CCDC144A: variants seen among roughly 807,000 people sequenced by gnomAD.
The protein encoded by CCDC144A is coiled-coil domain containing 144A.
CCDC144A carries 41 observed loss-of-function variants against 143.8 expected under a neutral mutation model. That is an observed-to-expected ratio of 0.29 (90% CI 0.22 to 0.37). The LOEUF is 0.37. CCDC144A is among the 10% of genes least tolerant of loss of function. The pLI, the probability that CCDC144A is intolerant of heterozygous loss-of-function variation, is 1.00. For synonymous variants in CCDC144A, 242 were observed against 517.9 expected (o/e 0.47, Z 7.23); for missense variants, 637 against 1,488.8 (o/e 0.43, Z 9.41).
In CCDC144A at chr17:16,735,506, TCTG is replaced by T. The variant is rs1913959037; in HGVS notation, c.3240_3242del (p.Ala1081del). ...CAGTACTATCCAAGACCAGTTTCATTCTGCTGCCAAAAATCTTCAAGCTGAGAG... is the reference window on the plus strand; with the variant it reads ...CAGTACTATCCAAGACCAGTTTCATTCTGCCAAAAATCTTCAAGCTGAGAG... On this transcript the variant is annotated inframe_deletion, in exon 12 of 17. Coordinates refer to ENST00000399273, the MANE Select transcript of CCDC144A (RefSeq NM_001382000.1). 1.1e-5 allele frequency: 13 copies of T among 1,146,706 alleles called. No homozygotes were observed. Among genetic ancestry groups the T allele is most frequent in the Non-Finnish European group, 1.6e-5 (12 of 763,708 alleles). The allele number at this position is 1,146,706 out of a possible 1,614,324, so 71.0% of individuals were successfully genotyped here.
upstream of CCDC144A, among the ~76,000 whole-genome samples, chr17:16,688,120 AT>A (rs1910846094): frequency 6.6e-6 from 1 of 151,712 alleles, no homozygotes; most frequent in African/African-American, 2.4e-5. Flanking sequence ...ATGTATCAAT[AT>A]TTTTTCAAAG....
the CCDC144A span, among the ~76,000 whole-genome samples, chr17:16,675,491 A>T: frequency 6.6e-6 from 1 of 151,868 alleles, no homozygotes; most frequent in South Asian, 2.1e-4. Context: ...ACAGCTTCCC[A>T]CACTGAAATT....
At chr17:16,671,944 AATG>A in the CCDC144A span, among the ~76,000 whole-genome samples, 10 of 152,056 alleles carry the variant, frequency 6.6e-5, no homozygotes, top group South Asian at 1.0e-3. Flanking sequence ...AGGATCTATA[AATG>A]ATGATGAAAT....
chr17:16,683,468 C>G, the CCDC144A span: 3 of 1,333,690 alleles, frequency 2.2e-6, no homozygotes, highest in East Asian at 2.4e-5. Context: ...GCGGCAGAGT[C>G]GCCTTGGCCG....
At position 16,753,440 on chromosome 17, in the gene CCDC144A, T is replaced by TGTTGTTG. The variant is rs1567606569; in HGVS notation, c.3373-7985_3373-7984insGTTGTTG. 1.7e-3 allele frequency among the ~76,000 whole-genome samples: 223 copies of TGTTGTTG among 133,856 alleles called. 5 individuals are homozygous for TGTTGTTG. Among genetic ancestry groups the TGTTGTTG allele is most frequent in the African/African-American group, 7.2e-3 (203 of 28,368 alleles). The allele number at this position is 133,856 out of a possible 152,430, so 87.8% of individuals were successfully genotyped here. A position where few individuals can be genotyped will look rare whatever the true frequency, so the allele number is the denominator to read the frequency against. Reference sequence around the variant, plus strand: ...TCAGTGTTTTGTAGTTTTTTTTTTTTTTTTTTTTTTTTTTTTGTAAAGCTC... The same window carrying TGTTGTTG: ...TCAGTGTTTTGTAGTTTTTTTTTTTTGTTGTTGTTTTTTTTTTTTTTTTGTAAAGCTC... On this transcript the variant is annotated intron_variant, in intron 12 of 16. Transcript: ENST00000399273.
intron 12 of CCDC144A, chr17:16,745,958 C>G: frequency 6.2e-7 from 1 of 1,606,872 alleles, no homozygotes; most frequent in South Asian, 1.1e-5. Flanking sequence ...GAGCTCTGTG[C>G]CTCCTGCCGT....
intron 13 of CCDC144A, 92 bp from the exon 14 acceptor site, chr17:16,762,221 T>G: frequency 6.6e-7 from 1 of 1,514,762 alleles, no homozygotes; most frequent in South Asian, 1.3e-5. Flanking sequence ...AATTGTTCTC[T>G]GAGTCACTGA....
intron 15 of CCDC144A, among the ~76,000 whole-genome samples, chr17:16,771,556 G>A (rs1357085428): frequency 1.3e-5 from 2 of 152,246 alleles, no homozygotes; most frequent in Non-Finnish European, 2.9e-5. Context: ...TTCTAAAAGT[G>A]GAGAATGGGG....
At chr17:16,750,158 C>G (rs1466885945) in intron 12 of CCDC144A, among the ~76,000 whole-genome samples, 2 of 152,004 alleles carry the variant, frequency 1.3e-5, no homozygotes. Context: ...TTGCTTTGTA[C>G]TCTCGATTGT....
the CCDC144A span, among the ~76,000 whole-genome samples, chr17:16,680,194 C>T: frequency 4.4e-4 from 67 of 151,818 alleles, no homozygotes; most frequent in Non-Finnish European, 7.5e-4. Flanking sequence ...TTTGGGAGGC[C>T]GAGGTGGGAG....
At chr17:16,668,708 T>G in the CCDC144A span, among the ~76,000 whole-genome samples, 1 of 152,252 alleles carries the variant, frequency 6.6e-6, no homozygotes, top group Admixed American at 6.5e-5. Flanking sequence ...CATGCTGTAT[T>G]AGTCTACTCA....
chr17:16,736,335 C>T (rs1268493783), intron 12 of CCDC144A, among the ~76,000 whole-genome samples: 2 of 149,322 alleles, frequency 1.3e-5, no homozygotes, highest in African/African-American at 4.9e-5. Context: ...TGGTCTCGAA[C>T]TCCTGACCTC....
chr17:16,715,375 G>A (rs1021510854), intron 6 of CCDC144A, among the ~76,000 whole-genome samples: 2 of 151,282 alleles, frequency 1.3e-5, no homozygotes, highest in African/African-American at 4.8e-5. Flanking sequence ...CTTTTGCCTG[G>A]AAATTATATG....
intron 12 of CCDC144A, among the ~76,000 whole-genome samples, chr17:16,736,440 A>G (rs1364044422): frequency 6.6e-6 from 1 of 151,852 alleles, no homozygotes; most frequent in Non-Finnish European, 1.5e-5. Context: ...ATTAAATCAT[A>G]ATTTGGGACA....
intron 14 of CCDC144A, among the ~76,000 whole-genome samples, chr17:16,762,785 A>C (rs1193820388): frequency 6.6e-6 from 1 of 152,056 alleles, no homozygotes. Flanking sequence ...TTTTGGTTTT[A>C]TGTGGCTTCC....
chr17:16,685,383 T>G (rs1443065071), upstream of CCDC144A, among the ~76,000 whole-genome samples: 1 of 151,956 alleles, frequency 6.6e-6, no homozygotes, highest in Non-Finnish European at 1.5e-5. Flanking sequence ...GTTGTTGTTG[T>G]TTTTGGTTTT....
At position 16,763,165 on chromosome 17, in the gene CCDC144A, C is replaced by A. The variant is rs559598999; in HGVS notation, c.3887+632C>A. On this transcript the variant is annotated intron_variant, in intron 14 of 16. Coordinates refer to ENST00000399273, the MANE Select transcript of CCDC144A (RefSeq NM_001382000.1). Reference sequence around the variant, plus strand: ...AACTTACTAAGTGATAAAAAAATAACACCTTGGTCAGCCTGAGGCGGTATA... The same window carrying A: ...AACTTACTAAGTGATAAAAAAATAAAACCTTGGTCAGCCTGAGGCGGTATA... 2.0e-5 allele frequency among the ~76,000 whole-genome samples: 3 copies of A among 151,322 alleles called. No homozygotes were observed. The South Asian group carries it at 6.3e-4, about 32-fold the overall frequency.
chr17:16,757,430 G>A (rs1381542940), intron 12 of CCDC144A, among the ~76,000 whole-genome samples: 6 of 152,248 alleles, frequency 3.9e-5, no homozygotes, highest in Admixed American at 6.5e-5. Context: ...TGCAGGTGCC[G>A]GTGGGGCAGT....
upstream of CCDC144A, among the ~76,000 whole-genome samples, chr17:16,686,900 A>AG (rs1184972166): frequency 1.3e-5 from 2 of 152,038 alleles, no homozygotes; most frequent in African/African-American, 2.4e-5. Context: ...AGCAGCTAGT[A>AG]GGCTCCCCCA....
Sources: allele counts gnomAD v4.1 joint callset (sites outside exome capture counted in the v4.1 genomes callset), GRCh38; gene constraint gnomAD v4.1.1; transcripts MANE v1.5; gene names NCBI Gene and HGNC (gene_info 2026-07-23, HGNC 2026-07-21).